ADAMTS2: variants seen among roughly 807,000 people sequenced by gnomAD.
ADAMTS2 encodes the protein ADAM metallopeptidase with thrombospondin type 1 motif 2.
A neutral mutation model predicts 123.0 loss-of-function variants in ADAMTS2; 50 were observed. The observed-to-expected ratio is 0.41, with a 90% CI of 0.32 to 0.51. The LOEUF is 0.51. ADAMTS2 is among the 20% of genes least tolerant of loss of function. ADAMTS2 has a pLI of 0.35. For missense variants in ADAMTS2, 1,494 were observed against 1,705.2 expected (o/e 0.88, Z 2.18); for synonymous variants, 678 against 695.4 (o/e 0.98, Z 0.39).
rs73344606 is a variant in ADAMTS2, at chr5:179,127,831, C to T, written c.2617+128G>A. The stretch of plus-strand genomic sequence containing the variant: ...CCTCCATTGCCGCTAAGCCCTTGCC[C>T]ACCCAGGCAAAGGTCCCTGCTGTGG... On this transcript the variant is annotated intron_variant, in intron 17 of 21. Transcript: ENST00000251582. 2,309 of 1,319,014 alleles carry T rather than the reference C, an allele frequency of 1.8e-3. 44 individuals are homozygous for T. The African/African-American group carries it at 0.03, about 17-fold the overall frequency. 81.7% of individuals were successfully genotyped at this position (1,319,014 alleles called of 1,614,324 possible).
At chr5:179,282,321 G>C (rs1239570219) in intron 2 of ADAMTS2, among the ~76,000 whole-genome samples, 1 of 152,186 alleles carries the variant, frequency 6.6e-6, no homozygotes, top group Non-Finnish European at 1.5e-5. Context: ...TTTGTGTATG[G>C]TGTGAGGAAG....
In ADAMTS2 at chr5:179,113,981, G is replaced by T. The variant is rs1273934347; in HGVS notation, c.3522C>A (p.Val1174=). The T allele has an allele frequency of 6.2e-7, 1 of 1,614,118 alleles. No homozygotes were observed. The highest frequency in any genetic ancestry group is 2.2e-5 in the East Asian group (1 of 44,884). The change falls in exon 22 of 22, where the codon GTC becomes GTA. Residue 1174 remains valine, a synonymous_variant. Transcript: ENST00000251582. ...PYKIHGLEDE[V]QPPNLIPRRP... ...GTCGAGGGATTAGGTTGGGTGGCTGGACTTCATCTTCCAGGCCATGGATTT... is the reference window on the plus strand; with the variant it reads ...GTCGAGGGATTAGGTTGGGTGGCTGTACTTCATCTTCCAGGCCATGGATTT...
intron 21 of ADAMTS2, chr5:179,120,538 GC>G (rs1762732990): frequency 6.6e-6 from 1 of 152,244 alleles, no homozygotes; most frequent in Admixed American, 6.5e-5. Flanking sequence ...GTAGGGGCCG[GC>G]CGCCCGGCAG....
Position 179,260,434 on chromosome 5 carries a change from C to T in ADAMTS2, c.688+12477G>A, listed in dbSNP as rs771371425. On this transcript the variant is annotated intron_variant, in intron 3 of 21. Coordinates refer to ENST00000251582, the MANE Select transcript of ADAMTS2 (RefSeq NM_014244.5). This position sits in a 1 kb window ranked among gnomAD's most constrained non-coding sequence, Gnocchi z 4.2. ...CTGGAGACACATCCTCACTCACCCTCGCTGGGCCCCAGTTTCTGCAGCCGT... is the reference window on the plus strand; with the variant it reads ...CTGGAGACACATCCTCACTCACCCTTGCTGGGCCCCAGTTTCTGCAGCCGT... 1.8e-4 allele frequency among the ~76,000 whole-genome samples: 28 copies of T among 152,222 alleles called. No homozygotes were observed. Among genetic ancestry groups the T allele is most frequent in the African/African-American group, 6.0e-4 (25 of 41,458 alleles).
chr5:179,260,282 T>G lies in ADAMTS2; in HGVS notation c.688+12629A>C, dbSNP rs576882711. On this transcript the variant is annotated intron_variant, in intron 3 of 21. Coordinates refer to ENST00000251582, the MANE Select transcript of ADAMTS2 (RefSeq NM_014244.5). This position sits in a 1 kb window ranked among gnomAD's most constrained non-coding sequence, Gnocchi z 4.2. ...TGAGCTCCTGGGCGACCGGGCTTCC[T>G]AGGCACTATGCTTATTCTTTCTTTT... is the stretch of plus-strand genomic sequence containing the variant. Among the ~76,000 whole-genome samples, 17 of 152,332 alleles carry G rather than the reference T, an allele frequency of 1.1e-4. No individual in the cohort carries two copies. The highest frequency in any genetic ancestry group is 3.8e-4 in the African/African-American group (16 of 41,580).
rs372065603 is a variant in ADAMTS2 at position 179,139,845 on chromosome 5, T to A, written c.1775+45A>T. 378 of 1,609,342 alleles carry A rather than the reference T, an allele frequency of 2.3e-4. 2 individuals carry two copies. Among genetic ancestry groups the A allele is most frequent in the Middle Eastern group, 2.0e-3 (9 of 4,462 alleles). On this transcript the variant is annotated intron_variant, in intron 11 of 21. Transcript: ENST00000251582. Reference sequence around the variant, plus strand: ...TGGCTGGAGAGGGTCTCCTGGACCCTCAGCTGCCACTCAGCAAGGCCAGGG... The same window carrying A: ...TGGCTGGAGAGGGTCTCCTGGACCCACAGCTGCCACTCAGCAAGGCCAGGG...
At chr5:179,292,336 A>AC (rs10682376) in intron 2 of ADAMTS2, among the ~76,000 whole-genome samples, 4,614 of 149,094 alleles carry the variant, frequency 0.031, 94 homozygotes, top group South Asian at 0.068. Context: ...CTTTGCTATT[A>AC]CCCCCCAGCT....
At chr5:179,335,443 C>A (rs1256050682) in intron 2 of ADAMTS2, among the ~76,000 whole-genome samples, 1 of 152,104 alleles carries the variant, frequency 6.6e-6, no homozygotes, top group Non-Finnish European at 1.5e-5. Flanking sequence ...CCTTGTGTGG[C>A]TTATAGCTAC....
chr5:179,151,032 G>A (rs987435009), intron 10 of ADAMTS2: 11 of 231,330 alleles, frequency 4.8e-5, no homozygotes, highest in Admixed American at 2.3e-4. Flanking sequence ...GAGTAGCTGG[G>A]ATTACAGGCA....
At chr5:179,341,279 T>C in intron 2 of ADAMTS2, 1 of 328,576 alleles carries the variant, frequency 3.0e-6, no homozygotes, top group Non-Finnish European at 6.0e-6. Flanking sequence ...CCCAGCACTT[T>C]AGGAGGCCAA....
intron 12 of ADAMTS2, 112 bp from the exon 13 acceptor site, chr5:179,136,154 C>A: frequency 6.7e-7 from 1 of 1,501,906 alleles, no homozygotes. Flanking sequence ...CGTGGCCCAC[C>A]CTCCAGGGCA....
At chr5:179,251,510 G>A (rs1172282032) in intron 3 of ADAMTS2, among the ~76,000 whole-genome samples, 2 of 152,106 alleles carry the variant, frequency 1.3e-5, no homozygotes, top group Non-Finnish European at 2.9e-5. Context: ...ACAGGTCCCT[G>A]CTAACTAGAC....
At chr5:179,156,962 T>A (rs921295504) in intron 6 of ADAMTS2, among the ~76,000 whole-genome samples, 1 of 76,754 alleles carries the variant, frequency 1.3e-5, no homozygotes, top group Non-Finnish European at 2.7e-5. Context: ...TCATTTTTTC[T>A]TTTTTTTTTT....
Position 179,154,100 on chromosome 5 carries a change from T to A in ADAMTS2, c.1331A>T (p.His444Leu). The change falls in exon 8 of 22, where the codon CAC (histidine) becomes CTC (leucine). Residue 444 changes from histidine to leucine, a missense_variant. Around this residue, in one of 6 missense-constraint regions of ADAMTS2, gnomAD observed 953 missense variants for 1,124.7 expected, o/e 0.85. Transcript: ENST00000251582. ...IMAPLVQAAFHRFHWSRCSQQ... is the reference protein window; with the variant it reads ...IMAPLVQAAFLRFHWSRCSQQ... ...GCTGCAGCGGGACCAGTGGAAGCGG[T>A]GGAAGGCGGCCTGCACCAGGGGCGC... The A allele has an allele frequency of 6.2e-7, 1 of 1,602,282 alleles. No homozygotes were observed. Among genetic ancestry groups the A allele is most frequent in the Non-Finnish European group, 8.5e-7 (1 of 1,177,884 alleles).
intron 10 of ADAMTS2, among the ~76,000 whole-genome samples, chr5:179,149,537 G>A (rs114267783): frequency 0.011 from 1,671 of 152,278 alleles, 35 homozygotes; most frequent in African/African-American, 0.037. Context: ...CAGGAGGATG[G>A]AAGGAGCCAC....
chr5:179,199,566 C>G (rs1476144490), intron 4 of ADAMTS2, among the ~76,000 whole-genome samples: 1 of 152,190 alleles, frequency 6.6e-6, no homozygotes, highest in Non-Finnish European at 1.5e-5. Flanking sequence ...AGGGCACAGC[C>G]AATGTGTTCT....
At chr5:179,245,480 G>A (rs1765763613) in intron 3 of ADAMTS2, among the ~76,000 whole-genome samples, 1 of 151,994 alleles carries the variant, frequency 6.6e-6, no homozygotes, top group African/African-American at 2.4e-5. Flanking sequence ...ACAAAGATGG[G>A]GGTGGGCCGG....
At position 179,313,183 on chromosome 5, in the gene ADAMTS2, A is replaced by G. The variant is rs555077358; in HGVS notation, c.534+30584T>C. ...CCCTCCTCAGGAGTGGCCTGTGAAG[A>G]GGGGACGCACACGCATTCACACTCA... On this transcript the variant is annotated intron_variant, in intron 2 of 21. Transcript: ENST00000251582. Among the ~76,000 whole-genome samples, 6 of 152,320 alleles carry G rather than the reference A, an allele frequency of 3.9e-5. No homozygotes were observed. In the South Asian group the frequency reaches 1.2e-3, roughly 32 times the overall value.
intron 2 of ADAMTS2, among the ~76,000 whole-genome samples, chr5:179,310,738 A>G (rs1756807783): frequency 1.3e-5 from 2 of 152,150 alleles, no homozygotes; most frequent in Admixed American, 1.3e-4. Flanking sequence ...TCTGGGACAC[A>G]CTGCTCTAGA....
Sources: allele counts gnomAD v4.1 joint callset (sites outside exome capture counted in the v4.1 genomes callset), GRCh38; gene constraint gnomAD v4.1.1; regional missense constraint gnomAD v4.1.1; non-coding constraint Gnocchi (gnomAD v3.1); transcripts MANE v1.5; gene names NCBI Gene and HGNC (gene_info 2026-07-23, HGNC 2026-07-21).